SMCO4: variants seen among roughly 807,000 people sequenced by gnomAD.
The protein encoded by SMCO4 is single-pass membrane and coiled-coil domain-containing protein 4.
In SMCO4, 4 loss-of-function variants were observed where a neutral mutation model predicts 3.6. The observed-to-expected ratio is 1.11, with a 90% confidence interval of 0.54 to 2.53. The LOEUF (loss-of-function observed/expected upper bound fraction) is 2.53, where lower values mean the gene tolerates loss of function less well. Ranked by LOEUF, SMCO4 falls within the 30% of genes most tolerant of loss-of-function variation. The pLI is 0.02. For missense variants in SMCO4, 70 were observed against 80.8 expected, an observed-to-expected ratio of 0.87 and a Z score of 0.51; for synonymous variants, 36 against 35.3, an observed-to-expected ratio of 1.02 and a Z score of -0.07.
the SMCO4 span, among the ~76,000 whole-genome samples, chr11:93,552,989 C>G: frequency 6.6e-6 from 1 of 152,118 alleles, no homozygotes; most frequent in Non-Finnish European, 1.5e-5. Flanking sequence ...TCAGATGTGT[C>G]AACAGTGACC....
At chr11:93,524,539 A>C (rs1318920199) in intron 1 of SMCO4, among the ~76,000 whole-genome samples, 2 of 152,158 alleles carry the variant, frequency 1.3e-5, no homozygotes, top group Non-Finnish European at 2.9e-5. Flanking sequence ...AGCACTGGAC[A>C]AGACTTTCTG....
chr11:93,530,043 G>A (rs1409189003), intron 1 of SMCO4, among the ~76,000 whole-genome samples: 6 of 152,258 alleles, frequency 3.9e-5, no homozygotes, highest in Non-Finnish European at 7.3e-5. Flanking sequence ...CTGACCAGGA[G>A]AGCTGACTCA....
chr11:93,518,683 T>A (rs1474050474), intron 1 of SMCO4, among the ~76,000 whole-genome samples: 1 of 152,208 alleles, frequency 6.6e-6, no homozygotes, highest in East Asian at 1.9e-4. Flanking sequence ...AACAGTACAC[T>A]TCTATGTTTT....
intron 2 of SMCO4, among the ~76,000 whole-genome samples, chr11:93,490,106 G>A (rs1017819668): frequency 2.0e-5 from 3 of 152,348 alleles, no homozygotes; most frequent in African/African-American, 4.8e-5. Context: ...AAGATTGCAC[G>A]AAATCCTCTA....
At chr11:93,486,123 C>A (rs1948647209) in intron 2 of SMCO4, among the ~76,000 whole-genome samples, 1 of 152,210 alleles carries the variant, frequency 6.6e-6, no homozygotes, top group Non-Finnish European at 1.5e-5. Context: ...TGCTCAATAC[C>A]TATCAAGCGA....
In SMCO4 at chr11:93,526,512, C is replaced by G. The variant is rs75455786; in HGVS notation, c.-154+16764G>C. 3.0e-3 allele frequency among the ~76,000 whole-genome samples: 450 copies of G among 152,232 alleles called. 1 individual carries two copies. Among genetic ancestry groups the G allele is most frequent in the African/African-American group, 0.01 (417 of 41,524 alleles). On this transcript the variant is annotated intron_variant, in intron 1 of 2. Transcript: ENST00000298966. ...ACTAGGCAGTACAACACCAGGTAGA[C>G]AGTGGAACATTATACTTCACCAGTG...
At chr11:93,501,187 T>G (rs1207167173) in intron 1 of SMCO4, among the ~76,000 whole-genome samples, 1 of 152,220 alleles carries the variant, frequency 6.6e-6, no homozygotes, top group Non-Finnish European at 1.5e-5. Flanking sequence ...CCAACTCTGC[T>G]GCTGGGTCAT....
At chr11:93,538,070 C>T (rs1949242886) in intron 1 of SMCO4, among the ~76,000 whole-genome samples, 1 of 152,226 alleles carries the variant, frequency 6.6e-6, no homozygotes, top group African/African-American at 2.4e-5. Flanking sequence ...CTGGCACTGA[C>T]TAGGGGAAAG....
intron 2 of SMCO4, among the ~76,000 whole-genome samples, chr11:93,479,979 C>G (rs1174460783): frequency 6.6e-6 from 1 of 152,174 alleles, no homozygotes; most frequent in Non-Finnish European, 1.5e-5. Flanking sequence ...GCCACCCACT[C>G]AACCTGGGAT....
rs569101717 is a variant in SMCO4 at position 93,500,300 on chromosome 11, G to T, written c.-153-952C>A. Among the ~76,000 whole-genome samples the T allele has an allele frequency of 3.3e-5, 5 of 152,318 alleles. No homozygotes were observed. The East Asian group carries it at 9.6e-4, about 29-fold the overall frequency. On this transcript the variant is annotated intron_variant, in intron 1 of 2. Coordinates refer to ENST00000298966, the MANE Select transcript of SMCO4 (RefSeq NM_020179.3). ...TCCACTGGGCCAGATGGTCTCAGAT[G>T]ACTTTGTTCATGTTAGTGGTTGGTA...
intron 1 of SMCO4, among the ~76,000 whole-genome samples, chr11:93,532,900 C>A (rs1326054582): frequency 6.6e-6 from 1 of 152,180 alleles, no homozygotes; most frequent in African/African-American, 2.4e-5. Flanking sequence ...CTGTCATCCT[C>A]ACTAGAAAAT....
chr11:93,514,194 T>C (rs1241441431), intron 1 of SMCO4, among the ~76,000 whole-genome samples: 1 of 151,678 alleles, frequency 6.6e-6, no homozygotes, highest in East Asian at 1.9e-4. Flanking sequence ...CAGAATCTGT[T>C]AGGAGAATTC....
At chr11:93,517,560 G>A (rs1302911999) in intron 1 of SMCO4, among the ~76,000 whole-genome samples, 2 of 152,134 alleles carry the variant, frequency 1.3e-5, no homozygotes, top group African/African-American at 4.8e-5. Context: ...AATTTCTCTA[G>A]TTCCAGCACT....
chr11:93,535,801 G>C (rs1041586948), intron 1 of SMCO4: 1 of 1,613,818 alleles, frequency 6.2e-7, no homozygotes, highest in Non-Finnish European at 8.5e-7. Context: ...AGCAGCAGCA[G>C]CAGCAACAGC....
At chr11:93,525,350 G>A (rs776331362) in intron 1 of SMCO4, among the ~76,000 whole-genome samples, 9 of 152,150 alleles carry the variant, frequency 5.9e-5, no homozygotes, top group Non-Finnish European at 1.2e-4. Flanking sequence ...GATTAAATGA[G>A]ATAATCTGCA....
At position 93,478,715 on chromosome 11, in the gene SMCO4, A is replaced by G. The variant is rs1320798791; in HGVS notation, c.*295T>C. 1.2e-4 allele frequency: 4 copies of G among 32,082 alleles called. No homozygotes were observed. The highest frequency in any genetic ancestry group is 4.3e-3 in the South Asian group (1 of 234). The allele number at this position is 32,082 out of a possible 1,614,324, so 2.0% of individuals were successfully genotyped here. A position where few individuals can be genotyped will look rare whatever the true frequency, so the allele number is the denominator to read the frequency against. On this transcript the variant is annotated 3_prime_UTR_variant, in exon 3 of 3. Coordinates refer to ENST00000298966, the MANE Select transcript of SMCO4 (RefSeq NM_020179.3). ...CGATTTTTAGGAGAGAAAAAGAAGC[A>G]CACACACACACACACACACACACAC...
intron 1 of SMCO4, among the ~76,000 whole-genome samples, chr11:93,517,847 T>C (rs1266730557): frequency 6.6e-6 from 1 of 152,190 alleles, no homozygotes; most frequent in Non-Finnish European, 1.5e-5. Flanking sequence ...CCTACCCGCA[T>C]TGAAGTACCC....
intron 2 of SMCO4, among the ~76,000 whole-genome samples, chr11:93,496,893 C>A (rs1948779981): frequency 6.6e-6 from 1 of 152,154 alleles, no homozygotes; most frequent in African/African-American, 2.4e-5. Context: ...GTGTTGGTAT[C>A]TGGTCCTGGG....
chr11:93,534,215 TACACACACACACACACACACACACAC>T (rs71064754), intron 1 of SMCO4, among the ~76,000 whole-genome samples: 44,159 of 128,370 alleles, frequency 0.34, 9,616 homozygotes, highest in South Asian at 0.41. Context: ...AATATATATA[TACACACACACACACACACACACACAC>T]ACACACACAC....
Sources: gnomAD v4.1 joint callset for allele counts (sites outside exome capture counted in the v4.1 genomes callset) on GRCh38, gnomAD v4.1.1 for gene constraint, MANE v1.5 for transcripts, NCBI Gene and HGNC (gene_info 2026-07-23, HGNC 2026-07-21) for gene names.